WDR76: variants seen among roughly 807,000 people sequenced by gnomAD.
WDR76 encodes WD repeat domain 76, also known as WD repeat-containing protein 76.
WDR76 carries 52 observed loss-of-function variants against 70.2 expected under a neutral mutation model. The ratio of observed to expected loss-of-function variants is 0.74; its 90% confidence interval spans 0.59 to 0.93. The LOEUF (loss-of-function observed/expected upper bound fraction) is 0.93, where lower values mean the gene tolerates loss of function less well. Among genes scored for constraint, WDR76 ranks in the 40% least tolerant of loss-of-function variants. The pLI, the probability that WDR76 is intolerant of heterozygous loss-of-function variation, is 0.00. For missense variants in WDR76, 756 were observed against 760.2 expected (o/e 0.99, Z 0.07); for synonymous variants, 292 against 271.1 (o/e 1.08, Z -0.76).
rs1567180572 is a variant in WDR76, at chr15:43,828,364, C to G, written c.460C>G (p.Leu154Val). Residue 154 changes from leucine (L) to valine (V), a missense_variant and splice_region_variant, in exon 2 of 13, where the codon CTG (leucine) becomes GTG (valine). Leu to Val is a conservative substitution (Grantham distance 32). Coordinates refer to ENST00000263795, the MANE Select transcript of WDR76 (RefSeq NM_024908.4). ...CAGTGATGAAGATACCACACCATCC[C>G]TGGTAAGAACTTAATTAGTAGCTTG... ...GDSDEDTTPS[L>V]DFSGLSPYER... 2.5e-6 allele frequency: 4 copies of G among 1,588,066 alleles called. No homozygotes were observed. The highest frequency in any genetic ancestry group is 3.4e-6 in the Non-Finnish European group (4 of 1,170,050).
intron 12 of WDR76, among the ~76,000 whole-genome samples, chr15:43,863,590 C>T (rs1041811689): frequency 4.0e-5 from 6 of 151,606 alleles, no homozygotes; most frequent in Admixed American, 1.3e-4. Context: ...AACAGGGTCT[C>T]GCTCCCTTGC....
chr15:43,842,702 A>AT, intron 7 of WDR76, 31 bp downstream of exon 7: 1 of 1,587,294 alleles, frequency 6.3e-7, no homozygotes, highest in Non-Finnish European at 8.6e-7. Flanking sequence ...TTTCTTTTAT[A>AT]TTTTTTGAGA....
At chr15:43,840,014 T>C (rs921747695) in intron 5 of WDR76, among the ~76,000 whole-genome samples, 3 of 152,002 alleles carry the variant, frequency 2.0e-5, no homozygotes, top group Non-Finnish European at 4.4e-5. Flanking sequence ...CATGCCACCA[T>C]ACCTGGCTGA....
In WDR76 at chr15:43,831,615, T is replaced by C. The variant is rs571216764; in HGVS notation, c.462+3249T>C. Among the ~76,000 whole-genome samples, 6 of 152,136 alleles carry C rather than the reference T, an allele frequency of 3.9e-5. No homozygotes were observed. In the East Asian group the frequency reaches 1.2e-3, roughly 29 times the overall value. On this transcript the variant is annotated intron_variant, in intron 2 of 12. Coordinates refer to ENST00000263795, the MANE Select transcript of WDR76 (RefSeq NM_024908.4). The stretch of plus-strand genomic sequence containing the variant: ...CACCATGCCTAGCTAATTTTTTGTA[T>C]TTTTAGTGGAGAAGGGGTTTCTCCA...
chr15:43,828,279 C>G lies in WDR76; in HGVS notation c.375C>G (p.Pro125=). The change falls in exon 2 of 13, where the codon CCC becomes CCG. Residue 125 remains proline, a synonymous_variant. Coordinates refer to ENST00000263795, the MANE Select transcript of WDR76 (RefSeq NM_024908.4). ...ATACTGAAAGTAACAAGCTACAACC[C>G]AAGAGAACGGCAGATGCGATGAATC... is the stretch of plus-strand genomic sequence containing the variant. ...AVHTESNKLQ[P]KRTADAMNLS... is the part of the protein sequence containing the mutation. 6.2e-7 allele frequency: 1 copy of G among 1,614,116 alleles called. No homozygotes were observed. The highest frequency in any genetic ancestry group is 1.3e-5 in the African/African-American group (1 of 75,012).
rs2088070175 is a variant in WDR76 at position 43,866,321 on chromosome 15, A to G, written c.1810A>G (p.Thr604Ala). 6.8e-6 allele frequency: 11 copies of G among 1,614,088 alleles called. No homozygotes were observed. Among genetic ancestry groups the G allele is most frequent in the Middle Eastern group, 1.6e-4 (1 of 6,062 alleles). ...SVCSINAMHP[T>A]RYILAGGNSS... ...GTGTTCCATCAATGCCATGCACCCAACTCGGTATATTTTGGCTGGAGGTAA... is the reference window on the plus strand; with the variant it reads ...GTGTTCCATCAATGCCATGCACCCAGCTCGGTATATTTTGGCTGGAGGTAA... Residue 604 changes from threonine (T) to alanine (A), a missense_variant, in exon 13 of 13, where the codon ACT becomes GCT. By Grantham distance (58) the Thr-to-Ala change is moderately conservative. Transcript: ENST00000263795.
At chr15:43,843,228 C>A (rs2087748436) in intron 7 of WDR76, among the ~76,000 whole-genome samples, 1 of 151,864 alleles carries the variant, frequency 6.6e-6, no homozygotes, top group Non-Finnish European at 1.5e-5. Context: ...GCTGTGTTGC[C>A]CAGGTTGGTC....
At position 43,827,052 on chromosome 15, in the gene WDR76, C is replaced by G. The variant is rs150338651; in HGVS notation, c.20C>G (p.Ala7Gly). Residue 7 changes from alanine to glycine, a missense_variant, in exon 1 of 13, where the codon GCG becomes GGG. Physicochemically the swap from Ala to Gly is moderately conservative, Grantham distance 60. Coordinates refer to ENST00000263795, the MANE Select transcript of WDR76 (RefSeq NM_024908.4). MSRSGAAAEKADSRQRP... is the reference protein window; with the variant it reads MSRSGAGAEKADSRQRP... ...CGAAAGATGTCCAGGTCGGGCGCGG[C>G]GGCTGAGAAGGCGGACTCCAGACAG... 5.6e-6 allele frequency: 9 copies of G among 1,614,014 alleles called. No individual in the cohort carries two copies. The African/African-American group carries it at 8.0e-5, about 14-fold the overall frequency.
chr15:43,836,110 A>G, intron 3 of WDR76, 51 bp from the exon 4 acceptor site: 1 of 1,534,670 alleles, frequency 6.5e-7, no homozygotes, highest in Non-Finnish European at 8.8e-7. Flanking sequence ...AATATTTTAA[A>G]AGGTAAGATA....
chr15:43,866,022 T>C, intron 12 of WDR76, 106 bp from the exon 13 acceptor site: 1 of 1,358,958 alleles, frequency 7.4e-7, no homozygotes, highest in South Asian at 1.4e-5. Context: ...AGAAGAAACT[T>C]GGCAGAGAAA....
chr15:43,835,119 CAG>C lies in WDR76; in HGVS notation c.523_524del (p.Asp175LeufsTer9), dbSNP rs749126704. 1 of 1,614,072 alleles carries C rather than the reference CAG, an allele frequency of 6.2e-7. No homozygotes were observed. Among genetic ancestry groups the C allele is most frequent in the Non-Finnish European group, 8.5e-7 (1 of 1,179,992 alleles). ...AGACTGAAGAACATATCAGAAAACG[CAG>C]ACTTTTTTGCTTCTCTTCAGTTGTC... On this transcript the variant is annotated frameshift_variant, in exon 3 of 13. Transcript: ENST00000263795. LOFTEE classifies it high-confidence loss of function.
chr15:43,843,339 A>G (rs1446049537), intron 7 of WDR76, among the ~76,000 whole-genome samples: 1 of 151,550 alleles, frequency 6.6e-6, no homozygotes, highest in Non-Finnish European at 1.5e-5. Context: ...GTTTTTTTTC[A>G]TTTGCGGTTG....
At chr15:43,858,634 A>C in intron 10 of WDR76, 37 bp from the exon 11 acceptor site, 1 of 1,607,360 alleles carries the variant, frequency 6.2e-7, no homozygotes, top group Non-Finnish European at 8.5e-7. Context: ...CATTACATGT[A>C]CTATGGCAAC....
At chr15:43,836,039 C>T in intron 3 of WDR76, 122 bp from the exon 4 acceptor site, 1 of 801,396 alleles carries the variant, frequency 1.2e-6, no homozygotes, top group Non-Finnish European at 1.8e-6. Flanking sequence ...CATGGCCTAT[C>T]TTAAGGATCT....
At chr15:43,838,938 A>G (rs905325625) in intron 4 of WDR76, among the ~76,000 whole-genome samples, 3 of 152,162 alleles carry the variant, frequency 2.0e-5, no homozygotes, top group Non-Finnish European at 2.9e-5. Context: ...TATACTTTCA[A>G]TCAGTAGGTT....
chr15:43,865,506 G>C (rs1386783037), intron 12 of WDR76, among the ~76,000 whole-genome samples: 1 of 152,050 alleles, frequency 6.6e-6, no homozygotes, highest in Non-Finnish European at 1.5e-5. Flanking sequence ...TCCTGACCTT[G>C]AATGATCCAC....
intron 11 of WDR76, 27 bp from the exon 12 acceptor site, chr15:43,861,301 CAAAAG>C: frequency 1.3e-6 from 2 of 1,582,634 alleles, no homozygotes. Context: ...TTTTAAGTAA[CAAAAG>C]AATGTCTTAC....
At chr15:43,827,127 C>G in intron 1 of WDR76, 35 bp downstream of exon 1, 1 of 1,613,994 alleles carries the variant, frequency 6.2e-7, no homozygotes, top group Non-Finnish European at 8.5e-7. Context: ...AGGTGTGCTC[C>G]TGCCTCGGTT....
chr15:43,858,889 C>T (rs2087963704), intron 11 of WDR76, 66 bp downstream of exon 11: 1 of 1,552,568 alleles, frequency 6.4e-7, no homozygotes, highest in Admixed American at 2.0e-5. Flanking sequence ...TGTCAGTAAA[C>T]CAAAAGCTTT....
Sources: allele counts gnomAD v4.1 joint callset (sites outside exome capture counted in the v4.1 genomes callset), GRCh38; gene constraint gnomAD v4.1.1; transcripts MANE v1.5; gene names NCBI Gene and HGNC (gene_info 2026-07-23, HGNC 2026-07-21).